The following IQGAP3 variants were observed in gnomAD, a reference collection of about 807,000 sequenced individuals.
IQGAP3 encodes IQ motif containing GTPase activating protein 3.
IQGAP3 carries 165 observed loss-of-function variants against 208.2 expected under a neutral mutation model. The ratio of observed to expected loss-of-function variants is 0.79; its 90% CI spans 0.70 to 0.90. IQGAP3 has a LOEUF of 0.90. Among genes scored for constraint, IQGAP3 ranks in the 40% least tolerant of loss-of-function variants. IQGAP3 has a pLI of 0.00. For synonymous variants in IQGAP3, 703 were observed against 803.6 expected, an observed-to-expected ratio of 0.87 and a Z score of 2.12; for missense variants, 1,811 against 2,043.1, an observed-to-expected ratio of 0.89 and a Z score of 2.19.
Position 156,562,684 on chromosome 1 carries a change from A to G in IQGAP3, c.799-19T>C. The G allele has an allele frequency of 1.9e-6, 3 of 1,605,256 alleles. No individual in the cohort carries two copies. Among genetic ancestry groups the G allele is most frequent in the Non-Finnish European group, 1.7e-6 (2 of 1,171,958 alleles). On this transcript the variant is annotated intron_variant, in intron 8 of 37. Coordinates refer to ENST00000361170, the MANE Select transcript of IQGAP3 (RefSeq NM_178229.5). ...TGTCATCCTGCAAAAACTCCATTGA[A>G]AGGGAACCTGGGAAACCCAATTTAA...
Position 156,531,220 on chromosome 1 carries a change from T to C in IQGAP3, c.4131A>G (p.Ile1377Met), listed in dbSNP as rs1674380872. Residue 1377 changes from isoleucine to methionine, a missense_variant, in exon 33 of 38, where the codon ATA becomes ATG. Physicochemically the swap from Ile to Met is conservative, Grantham distance 10 (BLOSUM62 1). Transcript: ENST00000361170. ...LSTKQLLADI[I>M]QFHPGDTLKE... ...TGAGGGTGTCCCCAGGATGGAACTG[T>C]ATGATATCGGCCAACAGCTGCTTGG... 5.0e-6 allele frequency: 8 copies of C among 1,613,750 alleles called. No individual in the cohort carries two copies. Among genetic ancestry groups the C allele is most frequent in the Non-Finnish European group, 6.8e-6 (8 of 1,179,902 alleles).
In IQGAP3 at chr1:156,533,778, A is replaced by G; in HGVS notation, c.3971T>C (p.Leu1324Pro). The change falls in exon 31 of 38, where the codon CTT becomes CCT. Residue 1324 changes from leucine to proline, a missense_variant. Transcript: ENST00000361170. Reference sequence around the variant, plus strand: ...CTGCTAAGGAGGGCACGTACCAATAAGGTCAGGGATGGTGGGCAGCTCCCC... The same window carrying G: ...CTGCTAAGGAGGGCACGTACCAATAGGGTCAGGGATGGTGGGCAGCTCCCC... The part of the protein sequence containing the change: ...DLGELPTIPD[L>P]IGESIAADGH... 6.2e-7 allele frequency: 1 copy of G among 1,613,208 alleles called. No individual in the cohort carries two copies. The highest frequency in any genetic ancestry group is 8.5e-7 in the Non-Finnish European group (1 of 1,179,658).
At chr1:156,547,839 A>G (rs1328697428) in intron 19 of IQGAP3, among the ~76,000 whole-genome samples, 1 of 152,196 alleles carries the variant, frequency 6.6e-6, no homozygotes, top group African/African-American at 2.4e-5. Flanking sequence ...AGACTGAGGG[A>G]CCAGTGAGGA....
intron 2 of IQGAP3, among the ~76,000 whole-genome samples, chr1:156,567,073 G>A (rs1676441337): frequency 6.6e-6 from 1 of 152,010 alleles, no homozygotes; most frequent in Admixed American, 6.5e-5. Flanking sequence ...CTCCATGTTG[G>A]TCAGGCTGGT....
chr1:156,526,893 C>T (rs113323438), intron 37 of IQGAP3, among the ~76,000 whole-genome samples: 2,347 of 152,088 alleles, frequency 0.015, 74 homozygotes, highest in African/African-American at 0.054. Context: ...AGTGCAGTGG[C>T]GCGATCTCGG....
At chr1:156,533,668 C>T in intron 31 of IQGAP3, 105 bp downstream of exon 31, 1 of 857,660 alleles carries the variant, frequency 1.2e-6, no homozygotes, top group Non-Finnish European at 1.9e-6. Flanking sequence ...CCGCCTGGCA[C>T]AAGACCTAGG....
At position 156,550,335 on chromosome 1, in the gene IQGAP3, C is replaced by T. The variant is rs200358652; in HGVS notation, c.1751G>A (p.Gly584Glu). The change falls in exon 16 of 38, where the codon GGA becomes GAA. Residue 584 changes from glycine (G) to glutamate (E), a missense_variant. Coordinates refer to ENST00000361170, the MANE Select transcript of IQGAP3 (RefSeq NM_178229.5). ...RQKAQVTGDP[G>E]AVLWLEEIRQ... ...GATCTCCTCAAGCCACAGCACAGCT[C>T]CAGGATCCCCTGTCACCTGGCAGAT... is the stretch of plus-strand genomic sequence containing the variant. The T allele has an allele frequency of 8.1e-6, 13 of 1,613,658 alleles. No homozygotes were observed. In the African/African-American group the frequency reaches 1.7e-4, roughly 22 times the overall value.
Position 156,563,328 on chromosome 1 carries a change from G to C in IQGAP3, c.620-16C>G. ...GCTGCATGGACTGGGAGAGGGCATG[G>C]AAACAAGGTCAGGAGGCCAGAGTGA... On this transcript the variant is annotated splice_polypyrimidine_tract_variant and intron_variant, in intron 7 of 37. Transcript: ENST00000361170. 6.3e-7 allele frequency: 1 copy of C among 1,575,508 alleles called. No homozygotes were observed. Among genetic ancestry groups the C allele is most frequent in the Non-Finnish European group, 8.7e-7 (1 of 1,155,576 alleles).
Position 156,529,087 on chromosome 1 carries a change from G to A in IQGAP3, c.4405-5C>T. 1 of 1,613,912 alleles carries A rather than the reference G, an allele frequency of 6.2e-7. No homozygotes were observed. Among genetic ancestry groups the A allele is most frequent in the Non-Finnish European group, 8.5e-7 (1 of 1,179,834 alleles). On this transcript the variant is annotated splice_region_variant and splice_polypyrimidine_tract_variant and intron_variant, in intron 34 of 37. Transcript: ENST00000361170. ...TCTGTGCTGGTTGCGGATGTCCTGGGGTTGGGGAACAGATGGAGGGATGAG... is the reference window on the plus strand; with the variant it reads ...TCTGTGCTGGTTGCGGATGTCCTGGAGTTGGGGAACAGATGGAGGGATGAG...
intron 37 of IQGAP3, among the ~76,000 whole-genome samples, chr1:156,526,940 T>C (rs867939574): frequency 2.0e-5 from 3 of 151,916 alleles, no homozygotes; most frequent in East Asian, 2.0e-4. Context: ...TCAAGCGATT[T>C]TCCTGCTTCA....
chr1:156,527,684 G>A (rs1344361493), intron 37 of IQGAP3, among the ~76,000 whole-genome samples: 1 of 152,134 alleles, frequency 6.6e-6, no homozygotes, highest in Non-Finnish European at 1.5e-5. Context: ...CATGTGATAG[G>A]GCTTCAAATA....
chr1:156,539,579 T>C (rs1472560399), intron 24 of IQGAP3, 42 bp from the exon 25 acceptor site: 2 of 1,598,856 alleles, frequency 1.3e-6, no homozygotes, highest in East Asian at 4.5e-5. Flanking sequence ...ACCATGCACT[T>C]CAAGGACCAG....
chr1:156,526,548 T>C lies in IQGAP3; in HGVS notation c.4834A>G (p.Lys1612Glu), dbSNP rs376705823. Reference sequence around the variant, plus strand: ...AGAAGGTTGACATTGACTTTGGCCTTGTTGAAGAGTTTCATGACAGCCACA... The same window carrying C: ...AGAAGGTTGACATTGACTTTGGCCTCGTTGAAGAGTTTCATGACAGCCACA... ...EGVAVMKLFNKAKVNVNLLIF... is the reference protein window; with the variant it reads ...EGVAVMKLFNEAKVNVNLLIF... The change falls in exon 38 of 38, where the codon AAG (lysine) becomes GAG (glutamate). Residue 1612 changes from lysine to glutamate, a missense_variant. Lys to Glu is a moderately conservative substitution (Grantham distance 56). Transcript: ENST00000361170. 2 of 1,614,086 alleles carry C rather than the reference T, an allele frequency of 1.2e-6. No homozygotes were observed. The highest frequency in any genetic ancestry group is 1.7e-6 in the Non-Finnish European group (2 of 1,180,034).
intron 29 of IQGAP3, 132 bp from the exon 30 acceptor site, chr1:156,534,273 C>T: frequency 1.5e-6 from 2 of 1,368,288 alleles, no homozygotes; most frequent in South Asian, 1.3e-5. Context: ...AGCTTCTGCC[C>T]TCTGTCCTGC....
chr1:156,531,226 A>G lies in IQGAP3; in HGVS notation c.4125T>C (p.Asp1375=), dbSNP rs778561325. Reference sequence around the variant, plus strand: ...TGTCCCCAGGATGGAACTGTATGATATCGGCCAACAGCTGCTTGGTGCTGC... The same window carrying G: ...TGTCCCCAGGATGGAACTGTATGATGTCGGCCAACAGCTGCTTGGTGCTGC... ...LLLSTKQLLA[D]IIQFHPGDTL... Residue 1375 remains aspartate (D), a synonymous_variant, in exon 33 of 38, where the codon GAT becomes GAC. Coordinates refer to ENST00000361170, the MANE Select transcript of IQGAP3 (RefSeq NM_178229.5). 4.3e-6 allele frequency: 7 copies of G among 1,613,830 alleles called. No homozygotes were observed. The South Asian group carries it at 4.4e-5, about 10-fold the overall frequency.
At chr1:156,567,681 A>G (rs1359201813) in intron 2 of IQGAP3, among the ~76,000 whole-genome samples, 1 of 146,614 alleles carries the variant, frequency 6.8e-6, no homozygotes, top group African/African-American at 2.5e-5. Context: ...TGCCTTAGAC[A>G]CCTGATTTTT....
chr1:156,541,360 C>T (rs932278052), intron 22 of IQGAP3, among the ~76,000 whole-genome samples: 8 of 151,986 alleles, frequency 5.3e-5, no homozygotes, highest in Non-Finnish European at 1.2e-4. Flanking sequence ...GCTCCTCTGT[C>T]AGGAATGTCT....
chr1:156,562,195 C>T (rs1676186087), intron 9 of IQGAP3, among the ~76,000 whole-genome samples, 194 bp from the exon 10 acceptor site: 1 of 152,072 alleles, frequency 6.6e-6, no homozygotes, highest in African/African-American at 2.4e-5. Flanking sequence ...TTCGCCGCCC[C>T]AGACCCCAAG....
Position 156,540,722 on chromosome 1 carries a change from G to A in IQGAP3, c.2725C>T (p.Arg909Trp), listed in dbSNP as rs368663938. 105 of 1,613,830 alleles carry A rather than the reference G, an allele frequency of 6.5e-5. No homozygotes were observed. Among genetic ancestry groups the A allele is most frequent in the South Asian group, 1.9e-4 (17 of 91,054 alleles). Residue 909 changes from arginine (R) to tryptophan (W), a missense_variant, in exon 23 of 38, where the codon CGG (arginine) becomes TGG (tryptophan). Arg to Trp is a moderately radical substitution (Grantham distance 101, BLOSUM62 -3). Transcript: ENST00000361170. The part of the protein sequence containing the change: ...DIKIGLLVKN[R>W]ITLQEVVSHC... ...GGGCCCCATACCTGCAGAGTGATCCGGTTCTTCACCAGCAGGCCAATCTTG... is the reference window on the plus strand; with the variant it reads ...GGGCCCCATACCTGCAGAGTGATCCAGTTCTTCACCAGCAGGCCAATCTTG...
Sources: gnomAD v4.1 joint callset for allele counts (sites outside exome capture counted in the v4.1 genomes callset) on GRCh38, gnomAD v4.1.1 for gene constraint, MANE v1.5 for transcripts, NCBI Gene and HGNC (gene_info 2026-07-23, HGNC 2026-07-21) for gene names.